The following GIGYF2 variants were observed in gnomAD, a reference collection of about 807,000 sequenced individuals.
The protein encoded by GIGYF2 is GRB10 interacting GYF protein 2.
Under a neutral mutation model 208.1 loss-of-function variants are expected in GIGYF2, and 25 were observed. That is an observed-to-expected ratio of 0.12 (90% CI 0.09 to 0.17). The LOEUF (loss-of-function observed/expected upper bound fraction) is 0.17, where lower values mean the gene tolerates loss of function less well. GIGYF2 is among the 10% of genes least tolerant of loss of function. The pLI, the probability that GIGYF2 is intolerant of heterozygous loss-of-function variation, is 1.00. For synonymous variants in GIGYF2, 534 were observed against 543.8 expected (o/e 0.98, Z 0.25); for missense variants, 1,302 against 1,579.4 (o/e 0.82, Z 2.98).
intron 14 of GIGYF2, among the ~76,000 whole-genome samples, chr2:232,796,453 A>G (rs1700225257): frequency 6.6e-6 from 1 of 152,262 alleles, no homozygotes; most frequent in Non-Finnish European, 1.5e-5. Flanking sequence ...CTGAAAATCC[A>G]AATTCCATAA....
In GIGYF2 at chr2:232,812,639, G is replaced by A. The variant is rs1034446544; in HGVS notation, c.2107+148G>A. The A allele has an allele frequency of 8.0e-6, 5 of 621,762 alleles. No homozygotes were observed. In the Admixed American group the frequency reaches 1.3e-4, roughly 17 times the overall value. 38.5% of individuals were successfully genotyped at this position (621,762 alleles called of 1,614,324 possible). On this transcript the variant is annotated intron_variant, in intron 18 of 28. Transcript: ENST00000373563. ...AAGGTCCATTTTTTACTAGATCCAA[G>A]CAATATTGAAGGTGTTACTGAAAAT... is the stretch of plus-strand genomic sequence containing the variant.
intron 21 of GIGYF2, 148 bp downstream of exon 21, chr2:232,820,133 C>A: frequency 2.6e-6 from 2 of 756,452 alleles, no homozygotes; most frequent in Non-Finnish European, 4.4e-6. Context: ...CTTATTACTT[C>A]TGTCTAAATT....
At chr2:232,802,715 T>C (rs999519609) in intron 14 of GIGYF2, among the ~76,000 whole-genome samples, 2 of 152,176 alleles carry the variant, frequency 1.3e-5, no homozygotes, top group Non-Finnish European at 2.9e-5. Context: ...TTTAGAGCCT[T>C]TGTCTGACTT....
At chr2:232,770,408 CTG>C (rs1282164199) in intron 8 of GIGYF2, among the ~76,000 whole-genome samples, 1 of 152,064 alleles carries the variant, frequency 6.6e-6, no homozygotes, top group Non-Finnish European at 1.5e-5. Context: ...ATAATGCTGA[CTG>C]TGGTGTTCTG....
intron 20 of GIGYF2, among the ~76,000 whole-genome samples, 158 bp from the exon 21 acceptor site, chr2:232,819,669 A>G (rs78933364): frequency 0.015 from 2,222 of 152,226 alleles, 27 homozygotes; most frequent in Non-Finnish European, 0.024. Context: ...CCCAATTTAC[A>G]TGTATACTTT....
At chr2:232,707,267 A>G (rs908484069) in intron 2 of GIGYF2, among the ~76,000 whole-genome samples, 1 of 152,142 alleles carries the variant, frequency 6.6e-6, no homozygotes, top group Admixed American at 6.5e-5. Context: ...GCCAGGAGGA[A>G]GTCTTGGGAG....
intron 14 of GIGYF2, among the ~76,000 whole-genome samples, chr2:232,799,988 T>C (rs908988975): frequency 6.6e-6 from 1 of 152,154 alleles, no homozygotes; most frequent in East Asian, 1.9e-4. Context: ...AATTTTTTTG[T>C]TGCTGAGTTT....
Position 232,860,490 on chromosome 2 carries a change from A to C in GIGYF2, c.*3630A>C, listed in dbSNP as rs987654964. On this transcript the variant is annotated 3_prime_UTR_variant, in exon 29 of 29. Coordinates refer to ENST00000373563, the MANE Select transcript of GIGYF2 (RefSeq NM_001103146.3). ...TATATACGTATATATATTGCACCCT[A>C]CTTTAAAATTGACTGATAACAAAAT... 1 of 151,154 alleles carries C rather than the reference A, an allele frequency of 6.6e-6. No individual in the cohort carries two copies. The highest frequency in any genetic ancestry group is 2.4e-5 in the African/African-American group (1 of 41,214). The allele number at this position is 151,154 out of a possible 1,614,324, so 9.4% of individuals were successfully genotyped here.
intron 7 of GIGYF2, among the ~76,000 whole-genome samples, chr2:232,761,003 T>A (rs985790903): frequency 1.3e-5 from 2 of 152,004 alleles, no homozygotes; most frequent in African/African-American, 4.8e-5. Context: ...CAAAATAATT[T>A]GAAATAAGCC....
intron 2 of GIGYF2, among the ~76,000 whole-genome samples, chr2:232,717,322 A>G (rs538719722): frequency 3.3e-5 from 5 of 152,146 alleles, no homozygotes; most frequent in Admixed American, 1.3e-4. Context: ...CTAAGAAACA[A>G]TAATAATAAT....
At chr2:232,793,793 G>A (rs1405909919) in intron 12 of GIGYF2, among the ~76,000 whole-genome samples, 1 of 152,194 alleles carries the variant, frequency 6.6e-6, no homozygotes, top group African/African-American at 2.4e-5. Context: ...AGACAGGAGA[G>A]TAGAGTGCAG....
At chr2:232,814,495 G>A (rs894235507) in intron 18 of GIGYF2, among the ~76,000 whole-genome samples, 21 of 149,878 alleles carry the variant, frequency 1.4e-4, no homozygotes, top group African/African-American at 3.4e-4. Flanking sequence ...CCCTGGAGGC[G>A]GAGGTTGCAG....
chr2:232,756,197 C>CTTTTTTTTTTTTTTTTTTTTTTTTTAT, intron 5 of GIGYF2, 26 bp from the exon 6 acceptor site: 1 of 709,936 alleles, frequency 1.4e-6, no homozygotes. Context: ...TCCTTTTTCT[C>CTTTTTTTTTTTTTTTTTTTTTTTTTAT]TTTTTTTTTT....
chr2:232,726,470 G>A (rs1697208228), intron 2 of GIGYF2, among the ~76,000 whole-genome samples: 1 of 152,048 alleles, frequency 6.6e-6, no homozygotes, highest in South Asian at 2.1e-4. Flanking sequence ...ATAAGCCACA[G>A]TGGTGCATGC....
chr2:232,853,418 AG>A (rs1426648746), intron 28 of GIGYF2, among the ~76,000 whole-genome samples: 11 of 152,206 alleles, frequency 7.2e-5, no homozygotes, highest in African/African-American at 2.7e-4. Context: ...CTGGGACTAC[AG>A]GTGCGTGCCA....
intron 14 of GIGYF2, among the ~76,000 whole-genome samples, chr2:232,804,268 G>T (rs1700487310): frequency 1.4e-5 from 2 of 143,068 alleles, no homozygotes; most frequent in South Asian, 2.8e-4. Flanking sequence ...TAGTCTTTTA[G>T]TTCATGAACT....
intron 13 of GIGYF2, 124 bp downstream of exon 13, chr2:232,795,068 T>G: frequency 2.6e-6 from 2 of 763,286 alleles, no homozygotes; most frequent in Non-Finnish European, 4.7e-6. Context: ...AACTGGATAT[T>G]TAGTGTTTAT....
In GIGYF2 at chr2:232,756,197, CTTTTTTTTTTT is replaced by C. The variant is rs759525243; in HGVS notation, c.268-16_268-6del. 1.4e-4 allele frequency: 96 copies of C among 710,634 alleles called. 3 individuals are homozygous for C. Among genetic ancestry groups the C allele is most frequent in the African/African-American group, 2.0e-4 (8 of 40,906 alleles). The allele number at this position is 710,634 out of a possible 1,614,324, so 44.0% of individuals were successfully genotyped here. Reference sequence around the variant, plus strand: ...TTTTCTTTCTTTTTTTCCTTTTTCTCTTTTTTTTTTTTTTTTTTTTGGCAGAGAAACTTTTC... The same window carrying C: ...TTTTCTTTCTTTTTTTCCTTTTTCTCTTTTTTTTTGGCAGAGAAACTTTTC... On this transcript the variant is annotated splice_polypyrimidine_tract_variant and intron_variant, in intron 5 of 28. Transcript: ENST00000373563.
intron 2 of GIGYF2, among the ~76,000 whole-genome samples, chr2:232,711,715 A>G (rs1696418033): frequency 6.8e-6 from 1 of 146,538 alleles, no homozygotes; most frequent in African/African-American, 2.5e-5. Flanking sequence ...GTATATATAT[A>G]TATATATATA....
Sources: allele counts gnomAD v4.1 joint callset (sites outside exome capture counted in the v4.1 genomes callset), GRCh38; gene constraint gnomAD v4.1.1; transcripts MANE v1.5; gene names NCBI Gene and HGNC (gene_info 2026-07-23, HGNC 2026-07-21).